The following KIAA1217 variants were observed in gnomAD, a reference collection of about 807,000 sequenced individuals.
KIAA1217 encodes the protein sickle tail protein homolog.
KIAA1217 carries 88 observed loss-of-function variants against 163.9 expected under a neutral mutation model. The observed-to-expected ratio is 0.54, with a 90% CI of 0.45 to 0.64. The LOEUF (loss-of-function observed/expected upper bound fraction) is 0.64. Among genes scored for constraint, KIAA1217 ranks in the 30% least tolerant of loss-of-function variants. The probability of loss-of-function intolerance (pLI) is 0.00; values close to 1 mark genes in which losing one functional copy is unlikely to be tolerated. For missense variants in KIAA1217, 2,372 were observed against 2,475.0 expected, an observed-to-expected ratio of 0.96 and a Z score of 0.88; for synonymous variants, 903 against 923.1, an observed-to-expected ratio of 0.98 and a Z score of 0.39.
At chr10:24,210,145 T>C (rs1340839520) in intron 1 of KIAA1217, among the ~76,000 whole-genome samples, 1 of 149,134 alleles carries the variant, frequency 6.7e-6, no homozygotes, top group Non-Finnish European at 1.5e-5. Context: ...GGGAGTGCAG[T>C]GCTGTGCGTG....
At chr10:23,789,066 T>C (rs773435169) in intron 1 of KIAA1217, among the ~76,000 whole-genome samples, 1 of 152,242 alleles carries the variant, frequency 6.6e-6, no homozygotes, top group African/African-American at 2.4e-5. Flanking sequence ...TAATAAAATT[T>C]GAGACCAAAT....
chr10:24,312,991 G>A (rs1590865644), intron 2 of KIAA1217, among the ~76,000 whole-genome samples: 1 of 152,226 alleles, frequency 6.6e-6, no homozygotes, highest in East Asian at 1.9e-4. Flanking sequence ...GACTCAATGA[G>A]CAATTCTGTC....
intron 1 of KIAA1217, among the ~76,000 whole-genome samples, chr10:23,806,866 G>A (rs149153703): frequency 1.3e-3 from 195 of 152,274 alleles, no homozygotes; most frequent in African/African-American, 4.5e-3. Context: ...GGTTCCTAAG[G>A]TGCTTCCCAC....
rs561867067 is a variant in KIAA1217, at chr10:23,809,121, C to G, written c.-321+113887C>G. ...AAAAAGAATATGAGTATTTACAACTCTGAATTCACAGTTCAAACGTGTCCT... is the reference window on the plus strand; with the variant it reads ...AAAAAGAATATGAGTATTTACAACTGTGAATTCACAGTTCAAACGTGTCCT... On this transcript the variant is annotated intron_variant, in intron 1 of 18. Coordinates refer to the KIAA1217 transcript ENST00000376462. Among the ~76,000 whole-genome samples, 40 of 152,110 alleles carry G rather than the reference C, an allele frequency of 2.6e-4. 1 individual carries two copies. Among genetic ancestry groups the G allele is most frequent in the African/African-American group, 9.6e-4 (40 of 41,524 alleles).
In KIAA1217 at chr10:24,240,953, T is replaced by G. The variant is rs567339936; in HGVS notation, c.354+21044T>G. On this transcript the variant is annotated intron_variant, in intron 2 of 20. Coordinates refer to ENST00000376454, the MANE Select transcript of KIAA1217 (RefSeq NM_019590.5). ...CTCACTGCAACCTCTGCCTCCCGGC[T>G]AAAGCAATCCTCCCACCTCAGCCTC... is the stretch of plus-strand genomic sequence containing the variant. Among the ~76,000 whole-genome samples, 6 of 152,176 alleles carry G rather than the reference T, an allele frequency of 3.9e-5. No homozygotes were observed. The South Asian group carries it at 1.2e-3, about 32-fold the overall frequency.
intron 2 of KIAA1217, among the ~76,000 whole-genome samples, chr10:24,062,000 A>T (rs2060740780): frequency 6.6e-6 from 1 of 151,966 alleles, no homozygotes; most frequent in Non-Finnish European, 1.5e-5. Context: ...CTTTATCTGG[A>T]ACCTCCATGA....
chr10:24,291,781 A>C (rs2079112599), intron 2 of KIAA1217, among the ~76,000 whole-genome samples: 2 of 152,330 alleles, frequency 1.3e-5, no homozygotes, highest in Admixed American at 6.5e-5. Context: ...AAAAAATCTA[A>C]GGATTACATT....
At chr10:24,528,376 T>C (rs1592687102) in intron 14 of KIAA1217, among the ~76,000 whole-genome samples, 1 of 151,044 alleles carries the variant, frequency 6.6e-6, no homozygotes, top group African/African-American at 2.4e-5. Context: ...GGCTGGAGTG[T>C]AGTGGTATGA....
At chr10:24,428,229 C>T (rs568403189) in intron 3 of KIAA1217, among the ~76,000 whole-genome samples, 1 of 152,336 alleles carries the variant, frequency 6.6e-6, no homozygotes. Flanking sequence ...GGGCATGGAC[C>T]TCAAGAGCGG....
intron 3 of KIAA1217, among the ~76,000 whole-genome samples, chr10:24,397,026 G>A (rs1564609805): frequency 6.6e-6 from 1 of 151,738 alleles, no homozygotes; most frequent in Non-Finnish European, 1.5e-5. Flanking sequence ...GGGTTCTGTA[G>A]ATGCTTTGAA....
intron 1 of KIAA1217, among the ~76,000 whole-genome samples, chr10:23,877,084 A>G (rs140653913): frequency 4.3e-4 from 65 of 152,100 alleles, no homozygotes; most frequent in African/African-American, 1.5e-3. Flanking sequence ...CCCTTTCAGC[A>G]CACAGGTTCT....
intron 2 of KIAA1217, among the ~76,000 whole-genome samples, chr10:24,096,096 A>C (rs1291202702): frequency 6.6e-6 from 1 of 152,202 alleles, no homozygotes; most frequent in Non-Finnish European, 1.5e-5. Flanking sequence ...TGACAGAGTG[A>C]GATCCTGTCT....
intron 1 of KIAA1217, among the ~76,000 whole-genome samples, chr10:23,974,890 C>CA (rs913712908): frequency 1.3e-5 from 2 of 151,774 alleles, no homozygotes; most frequent in Admixed American, 6.6e-5. Flanking sequence ...CCTTCCCCCC[C>CA]CCATAGATAG....
intron 11 of KIAA1217, among the ~76,000 whole-genome samples, chr10:24,520,651 A>AAAAAAAAAAAAAATAT (rs1554926857): frequency 2.5e-5 from 1 of 39,662 alleles, no homozygotes; most frequent in Non-Finnish European, 4.9e-5. Context: ...AAAAAAAAAA[A>AAAAAAAAAAAAAATAT]ATATATATAT....
chr10:23,812,283 GA>G (rs1298615492), intron 1 of KIAA1217, among the ~76,000 whole-genome samples: 11 of 152,136 alleles, frequency 7.2e-5, no homozygotes, highest in Non-Finnish European at 1.6e-4. Context: ...CTAGTGTTAT[GA>G]CAGAATATAT....
chr10:24,115,244 G>A (rs1383533346), intron 2 of KIAA1217, among the ~76,000 whole-genome samples: 2 of 152,226 alleles, frequency 1.3e-5, no homozygotes, highest in African/African-American at 4.8e-5. Context: ...AATATTTGTT[G>A]AGGAGCTGTT....
intron 1 of KIAA1217, among the ~76,000 whole-genome samples, chr10:23,836,931 A>G (rs1408527631): frequency 7.5e-6 from 1 of 132,620 alleles, no homozygotes; most frequent in African/African-American, 2.9e-5. Context: ...GGAAGGAAGG[A>G]AGGGAGGGAG....
intron 2 of KIAA1217, among the ~76,000 whole-genome samples, chr10:24,149,842 C>A (rs910207860): frequency 4.6e-5 from 7 of 151,984 alleles, no homozygotes. Flanking sequence ...ATACATATAT[C>A]AAAATGTCGC....
At chr10:23,936,434 T>C (rs1843529193) in intron 1 of KIAA1217, among the ~76,000 whole-genome samples, 1 of 152,176 alleles carries the variant, frequency 6.6e-6, no homozygotes, top group Non-Finnish European at 1.5e-5. Flanking sequence ...TCATTTGCGC[T>C]CTTGCAAATG....
Sources: allele counts gnomAD v4.1 joint callset (sites outside exome capture counted in the v4.1 genomes callset), GRCh38; gene constraint gnomAD v4.1.1; transcripts MANE v1.5; gene names NCBI Gene and HGNC (gene_info 2026-07-23, HGNC 2026-07-21).